The following SV2C variants were observed in gnomAD, a reference collection of about 807,000 sequenced individuals.
SV2C encodes synaptic vesicle glycoprotein 2C.
Under a neutral mutation model 79.7 loss-of-function variants are expected in SV2C, and 49 were observed. The ratio of observed to expected loss-of-function variants is 0.61; its 90% confidence interval spans 0.49 to 0.78. The LOEUF (loss-of-function observed/expected upper bound fraction) is 0.78, where lower values mean the gene tolerates loss of function less well. SV2C is among the 30% of genes least tolerant of loss of function. The pLI is 0.00. For synonymous variants in SV2C, 334 were observed against 333.2 expected, an observed-to-expected ratio of 1.00 and a Z score of -0.03; for missense variants, 833 against 912.9, an observed-to-expected ratio of 0.91 and a Z score of 1.13.
intron 4 of SV2C, among the ~76,000 whole-genome samples, chr5:76,256,116 C>G (rs747307560): frequency 1.2e-4 from 19 of 152,290 alleles, no homozygotes; most frequent in Non-Finnish European, 2.1e-4. Context: ...AGACTTTCAC[C>G]AAGGCCACTT....
intron 4 of SV2C, among the ~76,000 whole-genome samples, chr5:76,226,216 G>A (rs558411055): frequency 2.5e-4 from 38 of 152,034 alleles, no homozygotes; most frequent in African/African-American, 8.9e-4. Flanking sequence ...GGGGCAGAAG[G>A]AAAATGAGTT....
At chr5:76,253,900 A>C in intron 4 of SV2C, among the ~76,000 whole-genome samples, 1 of 152,256 alleles carries the variant, frequency 6.6e-6, no homozygotes, top group Admixed American at 6.5e-5. Context: ...CCCTATCATA[A>C]GTTTTTAAAG....
the SV2C span, among the ~76,000 whole-genome samples, chr5:75,970,640 T>C: frequency 6.6e-6 from 1 of 152,148 alleles, no homozygotes; most frequent in Non-Finnish European, 1.5e-5. Context: ...GCTGAATCTC[T>C]GATTAGACCA....
the SV2C span, among the ~76,000 whole-genome samples, chr5:76,060,419 C>T: frequency 9.2e-5 from 14 of 152,150 alleles, no homozygotes; most frequent in Non-Finnish European, 1.8e-4. Context: ...GCAGCTTCTA[C>T]ATCAATACTT....
chr5:76,071,164 T>C, the SV2C span, among the ~76,000 whole-genome samples: 1 of 152,230 alleles, frequency 6.6e-6, no homozygotes. Context: ...TAGTAAACTA[T>C]AGCTTAGACC....
At chr5:76,187,561 GT>G (rs1363635162) in intron 2 of SV2C, among the ~76,000 whole-genome samples, 2 of 152,026 alleles carry the variant, frequency 1.3e-5, no homozygotes, top group East Asian at 1.9e-4. Flanking sequence ...AATTAGAAAG[GT>G]TTTCCCCCCT....
At chr5:76,186,600 G>A (rs887270666) in intron 2 of SV2C, among the ~76,000 whole-genome samples, 1 of 152,228 alleles carries the variant, frequency 6.6e-6, no homozygotes, top group South Asian at 2.1e-4. Context: ...GCTGAGGCAA[G>A]AGAATTGCTT....
the SV2C span, among the ~76,000 whole-genome samples, chr5:76,058,232 G>A: frequency 3.3e-5 from 5 of 152,082 alleles, no homozygotes; most frequent in Admixed American, 6.6e-5. Flanking sequence ...TTCCTTAATT[G>A]AAACGACCAT....
intron 4 of SV2C, among the ~76,000 whole-genome samples, chr5:76,247,595 G>C (rs548983577): frequency 2.0e-5 from 3 of 152,284 alleles, no homozygotes; most frequent in Admixed American, 6.5e-5. Context: ...TCTTCCAGTT[G>C]CTGTGCATTG....
intron 1 of SV2C, among the ~76,000 whole-genome samples, chr5:76,123,000 A>G (rs573636733): frequency 6.6e-6 from 1 of 152,308 alleles, no homozygotes; most frequent in Non-Finnish European, 1.5e-5. Context: ...AAAAGAGAGA[A>G]GAATCAAATA....
At chr5:75,870,873 C>T in the SV2C span, among the ~76,000 whole-genome samples, 1 of 152,214 alleles carries the variant, frequency 6.6e-6, no homozygotes, top group African/African-American at 2.4e-5. Context: ...CATATTTAAA[C>T]TGCTAAAGAA....
chr5:76,109,249 G>A (rs867978005), intron 1 of SV2C, among the ~76,000 whole-genome samples: 5 of 152,240 alleles, frequency 3.3e-5, no homozygotes, highest in South Asian at 2.1e-4. Context: ...CTTCTTTCTA[G>A]TCTAATATCA....
chr5:76,018,589 A>C, the SV2C span, among the ~76,000 whole-genome samples: 4 of 152,252 alleles, frequency 2.6e-5, no homozygotes, highest in East Asian at 7.7e-4. Context: ...CATATAAATT[A>C]TAGAGAATGA....
intron 4 of SV2C, among the ~76,000 whole-genome samples, chr5:76,211,747 C>T (rs1744774628): frequency 6.6e-6 from 1 of 152,148 alleles, no homozygotes; most frequent in Non-Finnish European, 1.5e-5. Flanking sequence ...TTGCTAAAAT[C>T]AGACATAGAC....
chr5:76,004,399 A>G, the SV2C span, among the ~76,000 whole-genome samples: 69,268 of 152,024 alleles, frequency 0.46, 16,659 homozygotes, highest in Middle Eastern at 0.62. Flanking sequence ...TTGTAAAATG[A>G]GACTAATAAT....
At chr5:75,988,249 T>C in the SV2C span, among the ~76,000 whole-genome samples, 2 of 152,034 alleles carry the variant, frequency 1.3e-5, no homozygotes, top group Admixed American at 1.3e-4. Flanking sequence ...TTGCCACTTG[T>C]AGTGGCTGTC....
chr5:76,335,111 C>T (rs577724855), downstream of SV2C, among the ~76,000 whole-genome samples: 1 of 152,192 alleles, frequency 6.6e-6, no homozygotes, highest in Non-Finnish European at 1.5e-5. Flanking sequence ...CAGAGGCTAC[C>T]ATATTGAACA....
chr5:76,205,996 G>T (rs1744596982), intron 3 of SV2C, among the ~76,000 whole-genome samples: 1 of 151,988 alleles, frequency 6.6e-6, no homozygotes, highest in South Asian at 2.1e-4. Flanking sequence ...CTGATACATG[G>T]GAATTTAAGG....
At chr5:75,921,161 T>C in the SV2C span, 7 of 915,028 alleles carry the variant, frequency 7.7e-6, no homozygotes, top group Non-Finnish European at 8.8e-6. Flanking sequence ...GAGCAAGTTG[T>C]TGGAGATGTA....
Sources: gnomAD v4.1 joint callset for allele counts (sites outside exome capture counted in the v4.1 genomes callset) on GRCh38, gnomAD v4.1.1 for gene constraint, MANE v1.5 for transcripts, NCBI Gene and HGNC (gene_info 2026-07-23, HGNC 2026-07-21) for gene names.